ARID2: variants seen among roughly 807,000 people sequenced by gnomAD.
The protein encoded by ARID2 is AT-rich interactive domain-containing protein 2.
Under a neutral mutation model 184.6 loss-of-function variants are expected in ARID2, and 32 were observed. The ratio of observed to expected loss-of-function variants is 0.17; its 90% CI spans 0.13 to 0.23. The LOEUF (loss-of-function observed/expected upper bound fraction) is 0.23. Ranked by LOEUF, ARID2 falls within the 10% of genes least tolerant of loss-of-function variation. ARID2 has a pLI of 1.00. For synonymous variants in ARID2, 836 were observed against 772.6 expected, an observed-to-expected ratio of 1.08 and a Z score of -1.36; for missense variants, 1,696 against 2,197.6, an observed-to-expected ratio of 0.77 and a Z score of 4.56.
chr12:45,801,334 TAAAAA>T (rs1421796095), intron 3 of ARID2, among the ~76,000 whole-genome samples: 1 of 112,404 alleles, frequency 8.9e-6, no homozygotes, highest in Admixed American at 9.9e-5. Context: ...AAAAAAAAAG[TAAAAA>T]AAGAAAAATT....
intron 3 of ARID2, among the ~76,000 whole-genome samples, chr12:45,754,705 A>G (rs1941532744): frequency 6.6e-6 from 1 of 152,186 alleles, no homozygotes; most frequent in South Asian, 2.1e-4. Context: ...TATTACAAAC[A>G]CTACTATAAC....
At chr12:45,818,181 A>G (rs1942840217) in intron 5 of ARID2, among the ~76,000 whole-genome samples, 1 of 152,192 alleles carries the variant, frequency 6.6e-6, no homozygotes, top group African/African-American at 2.4e-5. Context: ...AAAGAAAACT[A>G]GGATCTGGAA....
rs1373868237 is a variant in ARID2 at position 45,837,672 on chromosome 12, C to T, written c.1295C>T (p.Ala432Val). The change falls in exon 10 of 21, where the codon GCT becomes GTT. Residue 432 changes from alanine to valine, a missense_variant. Ala to Val is a moderately conservative substitution (Grantham distance 64). Coordinates refer to ENST00000334344, the MANE Select transcript of ARID2 (RefSeq NM_152641.4). ...ATGCTCACGGAAATGGGAGATGTTG[C>T]TTGCACAAAAATTGCAAAAGTAGAA... ...LYMLTEMGDVACTKIAKVEKS... is the reference protein window; with the variant it reads ...LYMLTEMGDVVCTKIAKVEKS... The T allele has an allele frequency of 2.5e-5, 40 of 1,613,772 alleles. No individual in the cohort carries two copies. The highest frequency in any genetic ancestry group is 3.3e-5 in the Non-Finnish European group (39 of 1,179,726).
rs764238264 is a variant in ARID2 at position 45,851,938 on chromosome 12, G to A, written c.3815G>A (p.Arg1272Gln). The A allele has an allele frequency of 2.0e-5, 33 of 1,614,000 alleles. No homozygotes were observed. Among genetic ancestry groups the A allele is most frequent in the Middle Eastern group, 3.3e-4 (2 of 6,084 alleles). ...KIEVMENPSC[R>Q]RGATNTSNGD... ...GAAGTCATGGAGAACCCGTCCTGCC[G>A]ACGAGGAGCCACAAACACCAGCAAT... Residue 1272 changes from arginine (R) to glutamine (Q), a missense_variant, in exon 15 of 21, where the codon CGA (arginine) becomes CAA (glutamine). Coordinates refer to ENST00000334344, the MANE Select transcript of ARID2 (RefSeq NM_152641.4).
chr12:45,739,981 G>A (rs539747395), intron 3 of ARID2, among the ~76,000 whole-genome samples: 1 of 152,140 alleles, frequency 6.6e-6, no homozygotes, highest in East Asian at 1.9e-4. Context: ...TTTGCAATAC[G>A]CTTGAGCTCA....
In ARID2 at chr12:45,749,489, TAAAGTCACC is replaced by T. The variant is rs1338701978; in HGVS notation, c.284+18177_284+18185del. Among the ~76,000 whole-genome samples, 5 of 152,350 alleles carry T rather than the reference TAAAGTCACC, an allele frequency of 3.3e-5. No individual in the cohort carries two copies. The East Asian group carries it at 9.6e-4, about 29-fold the overall frequency. ...TGGTCATTGAGCATTGGCTTTGACT[TAAAGTCACC>T]AGCTGCATTAGCCCCTAACAAAAGA... On this transcript the variant is annotated intron_variant, in intron 3 of 20. Transcript: ENST00000334344.
At chr12:45,860,581 T>C (rs1404287679) in intron 15 of ARID2, among the ~76,000 whole-genome samples, 2 of 151,866 alleles carry the variant, frequency 1.3e-5, no homozygotes, top group Admixed American at 1.3e-4. Flanking sequence ...AACAATGTGG[T>C]ATTACCTTCG....
At chr12:45,896,772 A>G (rs1172753179) in intron 20 of ARID2, among the ~76,000 whole-genome samples, 1 of 152,212 alleles carries the variant, frequency 6.6e-6, no homozygotes, top group African/African-American at 2.4e-5. Context: ...CCATTAAGAG[A>G]TGCAAGCATT....
chr12:45,731,313 C>A lies in ARID2; in HGVS notation c.283C>A (p.Arg95Ser). The A allele has an allele frequency of 1.2e-6, 2 of 1,608,432 alleles. No individual in the cohort carries two copies. The highest frequency in any genetic ancestry group is 1.7e-6 in the Non-Finnish European group (2 of 1,174,988). ...AAFALKQYYL[R>S]YLEKYEKVHH... ...CTTTGCTTTAAAACAGTATTACTTG[C>A]GGTGAGTAGTAGTGACTTTTCCATA... The change falls in exon 3 of 21, where the codon CGT becomes AGT. Residue 95 changes from arginine to serine, a missense_variant and splice_region_variant. Physicochemically the swap from Arg to Ser is moderately radical, Grantham distance 110. This residue lies in a region of ARID2 where 148 missense variants were observed against 285.4 expected (regional missense o/e 0.52). Coordinates refer to ENST00000334344, the MANE Select transcript of ARID2 (RefSeq NM_152641.4).
At chr12:45,792,837 T>C (rs904491129) in intron 3 of ARID2, among the ~76,000 whole-genome samples, 4 of 152,230 alleles carry the variant, frequency 2.6e-5, no homozygotes, top group Admixed American at 2.0e-4. Context: ...TGTTATCTGA[T>C]ATTAATATAG....
intron 16 of ARID2, among the ~76,000 whole-genome samples, chr12:45,884,967 C>T (rs558531957): frequency 6.5e-4 from 99 of 152,060 alleles, no homozygotes; most frequent in African/African-American, 2.0e-3. Context: ...TATTTTGTTT[C>T]CAAGAATACC....
intron 3 of ARID2, among the ~76,000 whole-genome samples, chr12:45,780,916 G>A (rs879479184): frequency 1.1e-4 from 17 of 152,012 alleles, no homozygotes; most frequent in Non-Finnish European, 2.1e-4. Context: ...CACTGCGCCC[G>A]GCTGAAATTA....
chr12:45,857,306 C>T lies in ARID2; in HGVS notation c.4774-3495C>T, dbSNP rs1383460728. Among the ~76,000 whole-genome samples, 6 of 152,130 alleles carry T rather than the reference C, an allele frequency of 3.9e-5. No homozygotes were observed. The East Asian group carries it at 1.2e-3, about 29-fold the overall frequency. On this transcript the variant is annotated intron_variant, in intron 15 of 20. Coordinates refer to ENST00000334344, the MANE Select transcript of ARID2 (RefSeq NM_152641.4). ...AGCTTGAGAAAGTTACTCAACCCAT[C>T]AGAAAATAGATTGGTAGCCTCAGGC...
At chr12:45,784,626 T>G (rs1259095854) in intron 3 of ARID2, among the ~76,000 whole-genome samples, 1 of 152,148 alleles carries the variant, frequency 6.6e-6, no homozygotes, top group East Asian at 1.9e-4. Context: ...ATCGTGCTAC[T>G]GCACTCCAGC....
At chr12:45,880,674 G>C (rs1592138459) in intron 16 of ARID2, among the ~76,000 whole-genome samples, 1 of 152,194 alleles carries the variant, frequency 6.6e-6, no homozygotes, top group Non-Finnish European at 1.5e-5. Flanking sequence ...ACTTGAGTCT[G>C]TGTCTAGCAC....
intron 16 of ARID2, among the ~76,000 whole-genome samples, chr12:45,874,999 T>C (rs1943987144): frequency 6.6e-6 from 1 of 152,198 alleles, no homozygotes; most frequent in African/African-American, 2.4e-5. Flanking sequence ...GGCCCTTGCC[T>C]GTGGTCCCAG....
chr12:45,903,732 G>T (rs1944486402), intron 20 of ARID2, among the ~76,000 whole-genome samples: 1 of 151,916 alleles, frequency 6.6e-6, no homozygotes, highest in African/African-American at 2.4e-5. Flanking sequence ...CTTTTCTACA[G>T]TGTTTTTTAA....
At chr12:45,880,457 A>G (rs1944081885) in intron 16 of ARID2, among the ~76,000 whole-genome samples, 3 of 152,272 alleles carry the variant, frequency 2.0e-5, no homozygotes, top group East Asian at 3.9e-4. Flanking sequence ...TACAGTTACA[A>G]TTCCTCCTAA....
chr12:45,818,294 C>T (rs968424291), intron 5 of ARID2, among the ~76,000 whole-genome samples: 7 of 152,246 alleles, frequency 4.6e-5, no homozygotes, highest in South Asian at 4.1e-4. Flanking sequence ...AAATCATCAA[C>T]GTAAGGCTTA....
Sources: gnomAD v4.1 joint callset for allele counts (sites outside exome capture counted in the v4.1 genomes callset) on GRCh38, gnomAD v4.1.1 for gene constraint, gnomAD v4.1.1 regional missense constraint, MANE v1.5 for transcripts, NCBI Gene and HGNC (gene_info 2026-07-23, HGNC 2026-07-21) for gene names.